The following DPYD variants were observed in gnomAD, a reference collection of about 807,000 sequenced individuals.
The protein encoded by DPYD is dihydropyrimidine dehydrogenase [NADP(+)].
A neutral mutation model predicts 116.2 loss-of-function variants in DPYD; 109 were observed. The ratio of observed to expected loss-of-function variants is 0.94; its 90% confidence interval spans 0.80 to 1.10. The LOEUF is 1.10. Ranked by LOEUF, DPYD falls within the 50% of genes least tolerant of loss-of-function variation. DPYD has a pLI of 0.00. For synonymous variants in DPYD, 440 were observed against 432.0 expected (o/e 1.02, Z -0.23); for missense variants, 1,302 against 1,254.5 (o/e 1.04, Z -0.57).
intron 12 of DPYD, among the ~76,000 whole-genome samples, chr1:97,542,658 A>G (rs1340318512): frequency 6.6e-6 from 1 of 152,138 alleles, no homozygotes; most frequent in South Asian, 2.1e-4. Flanking sequence ...TATTGTGTTA[A>G]GTATGCTATA....
At chr1:97,484,220 T>C (rs535977938) in intron 13 of DPYD, among the ~76,000 whole-genome samples, 6 of 152,244 alleles carry the variant, frequency 3.9e-5, no homozygotes, top group South Asian at 2.1e-4. Flanking sequence ...AGGAGAATCG[T>C]TTGAAGCCGG....
intron 20 of DPYD, among the ~76,000 whole-genome samples, chr1:97,173,327 C>T (rs1163491208): frequency 2.1e-5 from 3 of 139,846 alleles, no homozygotes; most frequent in South Asian, 2.2e-4. Flanking sequence ...CATATATACA[C>T]ATATATGTGT....
At chr1:97,499,544 A>C (rs1241208021) in intron 13 of DPYD, among the ~76,000 whole-genome samples, 1 of 151,846 alleles carries the variant, frequency 6.6e-6, no homozygotes, top group East Asian at 1.9e-4. Flanking sequence ...GTATATATAC[A>C]ACTTCAAATT....
At chr1:97,385,393 C>CTAGAACTT (rs1672279596) in intron 14 of DPYD, among the ~76,000 whole-genome samples, 1 of 143,398 alleles carries the variant, frequency 7.0e-6, no homozygotes, top group African/African-American at 2.6e-5. Flanking sequence ...AGGCTTATTG[C>CTAGAACTT]TAGAACTTCA....
intron 11 of DPYD, among the ~76,000 whole-genome samples, chr1:97,568,034 C>T (rs550911333): frequency 5.3e-5 from 8 of 151,688 alleles, no homozygotes; most frequent in African/African-American, 1.5e-4. Context: ...AAATTGTTTT[C>T]GATGGCATGA....
intron 3 of DPYD, among the ~76,000 whole-genome samples, chr1:97,785,509 C>T (rs1666968643): frequency 6.6e-6 from 1 of 152,034 alleles, no homozygotes; most frequent in Non-Finnish European, 1.5e-5. Context: ...CAGGCAATGA[C>T]ACTCATCCAT....
At chr1:97,257,462 GAA>G (rs540369357) in intron 18 of DPYD, among the ~76,000 whole-genome samples, 8,237 of 140,978 alleles carry the variant, frequency 0.058, 356 homozygotes, top group Admixed American at 0.14. Flanking sequence ...TAGAGAGAGA[GAA>G]AGAGAGAGAG....
At chr1:97,813,719 G>T (rs1032978517) in intron 3 of DPYD, among the ~76,000 whole-genome samples, 1 of 152,076 alleles carries the variant, frequency 6.6e-6, no homozygotes, top group African/African-American at 2.4e-5. Flanking sequence ...CCTGAAGTTA[G>T]AAAACATACT....
At chr1:97,134,329 A>C (rs1338526810) in intron 20 of DPYD, among the ~76,000 whole-genome samples, 2 of 152,022 alleles carry the variant, frequency 1.3e-5, no homozygotes, top group Non-Finnish European at 2.9e-5. Flanking sequence ...AAAAATGATC[A>C]GATTAAAATA....
chr1:97,297,916 T>C (rs1360145617), intron 18 of DPYD, among the ~76,000 whole-genome samples: 1 of 152,196 alleles, frequency 6.6e-6, no homozygotes, highest in African/African-American at 2.4e-5. Context: ...ATGGCACTCA[T>C]AATAAATTCT....
intron 13 of DPYD, among the ~76,000 whole-genome samples, chr1:97,498,614 T>C (rs532629334): frequency 1.3e-4 from 20 of 151,852 alleles, no homozygotes; most frequent in Non-Finnish European, 2.4e-4. Context: ...GATGGCTATA[T>C]ATTAATGGAA....
chr1:97,619,232 T>C (rs1386036235), intron 8 of DPYD, among the ~76,000 whole-genome samples: 1 of 152,202 alleles, frequency 6.6e-6, no homozygotes, highest in African/African-American at 2.4e-5. Flanking sequence ...TCCTTTCTTT[T>C]AGGATTGCTA....
chr1:97,576,655 G>A (rs1451049036), intron 10 of DPYD, among the ~76,000 whole-genome samples: 1 of 152,264 alleles, frequency 6.6e-6, no homozygotes, highest in East Asian at 1.9e-4. Flanking sequence ...TGAGGACCTT[G>A]TATAACCATA....
At chr1:97,177,128 C>T (rs80317731) in intron 20 of DPYD, among the ~76,000 whole-genome samples, 25,901 of 151,928 alleles carry the variant, frequency 0.17, 2,659 homozygotes, top group Middle Eastern at 0.26. Context: ...ACTGTTTAAG[C>T]GTTCTATTTC....
chr1:97,911,256 G>C (rs1357384670), intron 1 of DPYD, among the ~76,000 whole-genome samples: 1 of 151,980 alleles, frequency 6.6e-6, no homozygotes, highest in Non-Finnish European at 1.5e-5. Flanking sequence ...GTGATCTTAA[G>C]CATAAAGGAT....
intron 3 of DPYD, among the ~76,000 whole-genome samples, chr1:97,815,157 A>T (rs184251896): frequency 6.6e-6 from 1 of 152,090 alleles, no homozygotes; most frequent in Non-Finnish European, 1.5e-5. Context: ...TCACCTTTGG[A>T]TATGTTAAAT....
chr1:97,115,786 T>C (rs1361898995), intron 20 of DPYD, among the ~76,000 whole-genome samples: 1 of 152,112 alleles, frequency 6.6e-6, no homozygotes, highest in Non-Finnish European at 1.5e-5. Flanking sequence ...ATCAAAGAAA[T>C]GTATGCTGTG....
intron 21 of DPYD, among the ~76,000 whole-genome samples, chr1:97,083,744 A>G (rs148201885): frequency 3.3e-5 from 5 of 152,202 alleles, no homozygotes; most frequent in African/African-American, 1.2e-4. Context: ...CAGATTCTCT[A>G]CTCACTGAAC....
At chr1:97,118,024 G>A (rs1652115960) in intron 20 of DPYD, among the ~76,000 whole-genome samples, 1 of 152,132 alleles carries the variant, frequency 6.6e-6, no homozygotes, top group Non-Finnish European at 1.5e-5. Flanking sequence ...TGAGGTAACA[G>A]TAGAGAATTA....
Sources: allele counts gnomAD v4.1 joint callset (sites outside exome capture counted in the v4.1 genomes callset), GRCh38; gene constraint gnomAD v4.1.1; transcripts MANE v1.5; gene names NCBI Gene and HGNC (gene_info 2026-07-23, HGNC 2026-07-21).